Variants in FOXK2 observed in about 807,000 individuals in gnomAD.
FOXK2 encodes forkhead box protein K2.
A neutral mutation model predicts 53.3 loss-of-function variants in FOXK2; 24 were observed. The observed-to-expected ratio is 0.45, with a 90% CI of 0.33 to 0.63. FOXK2 has a LOEUF of 0.63. Ranked by LOEUF, FOXK2 falls within the 30% of genes least tolerant of loss-of-function variation. The pLI is 0.03. For synonymous variants in FOXK2, 505 were observed against 407.1 expected (o/e 1.24, Z -2.89); for missense variants, 952 against 910.5 (o/e 1.05, Z -0.59).
intron 8 of FOXK2, among the ~76,000 whole-genome samples, chr17:82,594,274 G>A (rs1052316176): frequency 5.9e-5 from 9 of 152,066 alleles, no homozygotes; most frequent in Non-Finnish European, 8.8e-5. Flanking sequence ...CGAGGCGGGC[G>A]GATCACGAGG....
rs2045403194 is a variant in FOXK2, at chr17:82,602,978, G to A, written c.*1479G>A. 6.6e-6 allele frequency: 1 copy of A among 152,550 alleles called. No homozygotes were observed. The highest frequency in any genetic ancestry group is 2.1e-4 in the South Asian group (1 of 4,836). The allele number at this position is 152,550 out of a possible 1,614,324, so 9.4% of individuals were successfully genotyped here. The stretch of plus-strand genomic sequence containing the variant: ...GGTGGGATGAAATAGGGATGAAATG[G>A]CTCAGAATGGTATATTTAGGCAATT... On this transcript the variant is annotated 3_prime_UTR_variant, in exon 9 of 9. Coordinates refer to ENST00000335255, the MANE Select transcript of FOXK2 (RefSeq NM_004514.4).
chr17:82,538,147 C>T (rs2044539049), intron 1 of FOXK2, among the ~76,000 whole-genome samples: 1 of 151,498 alleles, frequency 6.6e-6, no homozygotes, highest in Non-Finnish European at 1.5e-5. Flanking sequence ...CGTTTGAACC[C>T]AAGAGGCAGA....
At chr17:82,581,819 A>G (rs910133512) in intron 4 of FOXK2, among the ~76,000 whole-genome samples, 5 of 152,150 alleles carry the variant, frequency 3.3e-5, no homozygotes, top group African/African-American at 4.8e-5. Flanking sequence ...CATGTTGGCC[A>G]GGCTGGCCTC....
At chr17:82,580,996 T>G (rs1284904753) in intron 4 of FOXK2, among the ~76,000 whole-genome samples, 1 of 152,260 alleles carries the variant, frequency 6.6e-6, no homozygotes, top group Admixed American at 6.5e-5. Flanking sequence ...GGACAACCCC[T>G]GAGATGGGTT....
rs144638934 is a variant in FOXK2 at position 82,587,230 on chromosome 17, G to A, written c.1744G>A (p.Val582Met). The A allele has an allele frequency of 5.0e-4, 806 of 1,613,068 alleles. 3 individuals carry two copies. Among genetic ancestry groups the A allele is most frequent in the East Asian group, 3.3e-3 (150 of 44,886 alleles). Residue 582 changes from valine (V) to methionine (M), a missense_variant, in exon 8 of 9, where the codon GTG (valine) becomes ATG (methionine). This residue lies in a region of FOXK2 where 551 missense variants were observed against 385.1 expected (regional missense o/e 1.43). Transcript: ENST00000335255. Reference sequence around the variant, plus strand: ...AACTGTAACACAAAACGGCACTCACGTGGCATCAGTCCCCACTGCGGTCCA... The same window carrying A: ...AACTGTAACACAAAACGGCACTCACATGGCATCAGTCCCCACTGCGGTCCA... ...IKTVTQNGTH[V>M]ASVPTAVHGQ...
chr17:82,558,966 G>A (rs551755357), intron 1 of FOXK2, among the ~76,000 whole-genome samples: 1 of 152,094 alleles, frequency 6.6e-6, no homozygotes, highest in Non-Finnish European at 1.5e-5. Context: ...ATCCAGGATG[G>A]TCTCGATCTC....
At chr17:82,594,660 C>T (rs146053982) in intron 8 of FOXK2, among the ~76,000 whole-genome samples, 8 of 152,326 alleles carry the variant, frequency 5.3e-5, no homozygotes, top group Middle Eastern at 3.4e-3. Flanking sequence ...GGGTGGGGAA[C>T]GTCCCCTTGT....
At position 82,577,142 on chromosome 17, in the gene FOXK2, A is replaced by G. The variant is rs1172854063; in HGVS notation, c.909+5272A>G. 7.1e-6 allele frequency: 5 copies of G among 704,388 alleles called. No homozygotes were observed. In the African/African-American group the frequency reaches 9.1e-5, roughly 13 times the overall value. The allele number at this position is 704,388 out of a possible 1,614,324, so 43.6% of individuals were successfully genotyped here. A position where few individuals can be genotyped will look rare whatever the true frequency, so the allele number is the denominator to read the frequency against. On this transcript the variant is annotated intron_variant, in intron 4 of 8. Transcript: ENST00000335255. ...GCGTCATTGCACTCCAGCCTGGGCA[A>G]CAAGAGCAAAACTCCGTCTCAAAAA...
At chr17:82,567,129 C>T (rs1598215955) in intron 2 of FOXK2, among the ~76,000 whole-genome samples, 2 of 152,280 alleles carry the variant, frequency 1.3e-5, no homozygotes, top group East Asian at 3.9e-4. Context: ...TCTCCATCTC[C>T]CTGGCCCTCC....
chr17:82,589,369 T>G (rs1053870818), intron 8 of FOXK2, among the ~76,000 whole-genome samples: 2 of 152,238 alleles, frequency 1.3e-5, no homozygotes, highest in Non-Finnish European at 2.9e-5. Flanking sequence ...TGTCATTTAT[T>G]AGTCATATCT....
intron 1 of FOXK2, among the ~76,000 whole-genome samples, chr17:82,530,381 T>G (rs2144049858): frequency 7.3e-6 from 1 of 136,546 alleles, no homozygotes; most frequent in Middle Eastern, 4.2e-3. Flanking sequence ...TACCAGCTAC[T>G]CGGGAGGCTA....
intron 1 of FOXK2, among the ~76,000 whole-genome samples, chr17:82,549,172 C>T (rs529932691): frequency 6.6e-6 from 1 of 152,216 alleles, no homozygotes; most frequent in Non-Finnish European, 1.5e-5. Context: ...CTGGGTGTGG[C>T]CCTTGCCTGT....
At chr17:82,574,417 T>C (rs1283566803) in intron 4 of FOXK2, among the ~76,000 whole-genome samples, 2 of 151,388 alleles carry the variant, frequency 1.3e-5, no homozygotes, top group Non-Finnish European at 2.9e-5. Flanking sequence ...GCCTCCCAGG[T>C]TCAAGCGATT....
rs1217433671 is a variant in FOXK2 at position 82,601,943 on chromosome 17, A to C, written c.*444A>C. On this transcript the variant is annotated 3_prime_UTR_variant, in exon 9 of 9. Transcript: ENST00000335255. Reference sequence around the variant, plus strand: ...TATTTTGAGGTGTCCTTTCTTTACAAAATAATGGGGTCTTGGGCATTTCAC... The same window carrying C: ...TATTTTGAGGTGTCCTTTCTTTACACAATAATGGGGTCTTGGGCATTTCAC... 6.3e-6 allele frequency: 1 copy of C among 157,654 alleles called. No homozygotes were observed. The highest frequency in any genetic ancestry group is 1.4e-5 in the Non-Finnish European group (1 of 71,084). The allele number at this position is 157,654 out of a possible 1,614,324, so 9.8% of individuals were successfully genotyped here.
chr17:82,523,734 C>T (rs943868595), intron 1 of FOXK2, among the ~76,000 whole-genome samples: 2 of 152,142 alleles, frequency 1.3e-5, no homozygotes, highest in Admixed American at 1.3e-4. Context: ...ACCTCCGCCT[C>T]CCAAAGTGCT....
Position 82,584,134 on chromosome 17 carries a change from G to T in FOXK2, c.1225G>T (p.Ala409Ser). Residue 409 changes from alanine to serine, a missense_variant, in exon 6 of 9, where the codon GCA becomes TCA. This residue lies in a region of FOXK2 where 551 missense variants were observed against 385.1 expected (regional missense o/e 1.43). Transcript: ENST00000335255. ...CCCCCTGGAGCCTGAGCCTGGCGCT[G>T]CACAGCCCAAACTCGCTGTCATCCA... The part of the protein sequence containing the change: ...PAPLEPEPGA[A>S]QPKLAVIQEA... 1 of 1,610,358 alleles carries T rather than the reference G, an allele frequency of 6.2e-7. No individual in the cohort carries two copies.
intron 1 of FOXK2, among the ~76,000 whole-genome samples, chr17:82,524,690 G>A (rs949692509): frequency 1.4e-4 from 21 of 152,258 alleles, no homozygotes; most frequent in African/African-American, 5.1e-4. Context: ...GAAAGGCAGC[G>A]TTTTCCTCTC....
At position 82,520,113 on chromosome 17, in the gene FOXK2, C is replaced by T. The variant is rs781159765; in HGVS notation, c.225C>T (p.Ile75=). The T allele has an allele frequency of 7.2e-6, 11 of 1,519,574 alleles. No homozygotes were observed. Among genetic ancestry groups the T allele is most frequent in the Non-Finnish European group, 8.8e-6 (10 of 1,137,538 alleles). 94.1% of individuals were successfully genotyped at this position (1,519,574 alleles called of 1,614,324 possible). ...VDVSMGHSSF[I]SRRHLEIFTP... is the part of the protein sequence containing the mutation. ...TGAGCATGGGCCACTCGAGCTTCAT[C>T]TCCCGGCGCCACCTCGAGATCTTCA... The change falls in exon 1 of 9, where the codon ATC becomes ATT. Residue 75 remains isoleucine, a synonymous_variant. Coordinates refer to ENST00000335255, the MANE Select transcript of FOXK2 (RefSeq NM_004514.4).
chr17:82,535,386 G>A (rs1339463348), intron 1 of FOXK2, among the ~76,000 whole-genome samples: 2 of 152,122 alleles, frequency 1.3e-5, no homozygotes, highest in African/African-American at 4.8e-5. Context: ...CATTAAACTC[G>A]AAAAGGTTTT....
Sources: gnomAD v4.1 joint callset for allele counts (sites outside exome capture counted in the v4.1 genomes callset) on GRCh38, gnomAD v4.1.1 for gene constraint, gnomAD v4.1.1 regional missense constraint, MANE v1.5 for transcripts, NCBI Gene and HGNC (gene_info 2026-07-23, HGNC 2026-07-21) for gene names.